SEPTIN10: variants seen among roughly 807,000 people sequenced by gnomAD.
SEPTIN10 encodes the protein septin-10.
Under a neutral mutation model 54.8 loss-of-function variants are expected in SEPTIN10, and 66 were observed. The ratio of observed to expected loss-of-function variants is 1.21; its 90% confidence interval spans 0.99 to 1.48. The LOEUF is 1.48. SEPTIN10 is among the 40% of genes most tolerant of loss of function. SEPTIN10 has a pLI of 0.00. For missense variants in SEPTIN10, 620 were observed against 545.6 expected, an observed-to-expected ratio of 1.14 and a Z score of -1.36; for synonymous variants, 161 against 181.0, an observed-to-expected ratio of 0.89 and a Z score of 0.89.
intron 1 of SEPTIN10, among the ~76,000 whole-genome samples, chr2:109,602,045 C>G (rs1696705785): frequency 6.6e-6 from 1 of 152,128 alleles, no homozygotes; most frequent in South Asian, 2.1e-4. Flanking sequence ...TTCAAGTTGT[C>G]TAACAGAGAA....
chr2:109,559,771 T>C (rs796553204), intron 8 of SEPTIN10, among the ~76,000 whole-genome samples: 4 of 152,220 alleles, frequency 2.6e-5, no homozygotes, highest in African/African-American at 9.6e-5. Context: ...CTATGAATTG[T>C]GAGCAGTGAA....
chr2:109,576,239 T>C (rs1689650875), intron 4 of SEPTIN10, among the ~76,000 whole-genome samples: 1 of 152,062 alleles, frequency 6.6e-6, no homozygotes, highest in South Asian at 2.1e-4. Flanking sequence ...CCAGCCTAGG[T>C]GACAACGCAA....
chr2:109,576,905 C>T (rs529581698), intron 4 of SEPTIN10, among the ~76,000 whole-genome samples: 1 of 152,058 alleles, frequency 6.6e-6, no homozygotes, highest in African/African-American at 2.4e-5. Flanking sequence ...GAAAAGAGGG[C>T]AGAAGCAATA....
At chr2:109,574,902 T>C (rs1558791363) in intron 4 of SEPTIN10, 135 bp from the exon 5 acceptor site, 1 of 518,716 alleles carries the variant, frequency 1.9e-6, no homozygotes, top group Non-Finnish European at 3.0e-6. Flanking sequence ...AGATTAACTT[T>C]AGTGATAAAA....
intron 1 of SEPTIN10, among the ~76,000 whole-genome samples, chr2:109,597,910 TA>T (rs1363369143): frequency 6.6e-6 from 1 of 152,176 alleles, no homozygotes; most frequent in Non-Finnish European, 1.5e-5. Context: ...CAATTACAGA[TA>T]AACTTCTGAT....
intron 4 of SEPTIN10, among the ~76,000 whole-genome samples, chr2:109,581,056 T>C (rs1287951614): frequency 2.0e-5 from 3 of 152,240 alleles, no homozygotes; most frequent in East Asian, 1.9e-4. Flanking sequence ...AAAATACCCA[T>C]GACTACGGCC....
At chr2:109,606,769 T>C (rs775000324) in intron 1 of SEPTIN10, among the ~76,000 whole-genome samples, 14 of 139,874 alleles carry the variant, frequency 1.0e-4, no homozygotes, top group Non-Finnish European at 1.8e-4. Flanking sequence ...AACCTCCGTC[T>C]CGCAGGTTCA....
intron 8 of SEPTIN10, among the ~76,000 whole-genome samples, chr2:109,557,241 G>C (rs1355462630): frequency 6.6e-6 from 1 of 152,056 alleles, no homozygotes; most frequent in Admixed American, 6.6e-5. Context: ...TTAAAACAAT[G>C]CTTCATTAAT....
At chr2:109,582,125 C>T (rs1335553155) in intron 4 of SEPTIN10, among the ~76,000 whole-genome samples, 1 of 151,274 alleles carries the variant, frequency 6.6e-6, no homozygotes, top group Non-Finnish European at 1.5e-5. Context: ...CACTCTCACG[C>T]AAAAACCTAG....
intron 1 of SEPTIN10, among the ~76,000 whole-genome samples, chr2:109,612,281 C>T (rs1431614016): frequency 6.6e-6 from 1 of 152,020 alleles, no homozygotes; most frequent in Non-Finnish European, 1.5e-5. Flanking sequence ...AAACGAATCA[C>T]TGATTGTCTG....
intron 1 of SEPTIN10, among the ~76,000 whole-genome samples, chr2:109,608,399 T>C (rs1273590515): frequency 1.3e-5 from 2 of 152,190 alleles, no homozygotes; most frequent in Admixed American, 6.5e-5. Flanking sequence ...GCTATCCCCA[T>C]AAATACAGAC....
chr2:109,593,301 T>C (rs1000901042), intron 1 of SEPTIN10, among the ~76,000 whole-genome samples, 182 bp from the exon 2 acceptor site: 2 of 152,170 alleles, frequency 1.3e-5, no homozygotes, highest in African/African-American at 4.8e-5. Flanking sequence ...GATAGGTATC[T>C]ACATAAGTAA....
intron 5 of SEPTIN10, among the ~76,000 whole-genome samples, chr2:109,573,915 T>C (rs1688985366): frequency 6.6e-6 from 1 of 152,188 alleles, no homozygotes; most frequent in Non-Finnish European, 1.5e-5. Flanking sequence ...AATGCAACAT[T>C]AGACCTTAAT....
chr2:109,569,895 T>C (rs1269575788), intron 5 of SEPTIN10, among the ~76,000 whole-genome samples: 1 of 152,122 alleles, frequency 6.6e-6, no homozygotes, highest in African/African-American at 2.4e-5. Context: ...TTCTGCTTTT[T>C]AGTAACAGAA....
intron 9 of SEPTIN10, among the ~76,000 whole-genome samples, chr2:109,551,687 T>C (rs1016509846): frequency 6.6e-6 from 1 of 152,222 alleles, no homozygotes; most frequent in African/African-American, 2.4e-5. Flanking sequence ...ATAAATAAAT[T>C]AGTAAACTAT....
intron 8 of SEPTIN10, among the ~76,000 whole-genome samples, chr2:109,562,058 CA>C (rs1685774864): frequency 1.3e-5 from 2 of 151,632 alleles, no homozygotes; most frequent in African/African-American, 2.4e-5. Context: ...TACAAAAACA[CA>C]AAAATTAGCT....
chr2:109,591,231 G>C (rs1246640121), intron 2 of SEPTIN10, among the ~76,000 whole-genome samples: 2 of 152,180 alleles, frequency 1.3e-5, no homozygotes, highest in African/African-American at 4.8e-5. Context: ...TGTTAAAGTT[G>C]TTATCTGATA....
At chr2:109,571,757 A>G (rs1214489762) in intron 5 of SEPTIN10, among the ~76,000 whole-genome samples, 1 of 152,200 alleles carries the variant, frequency 6.6e-6, no homozygotes, top group African/African-American at 2.4e-5. Context: ...GGAAGCATCT[A>G]GAACTAGTTG....
chr2:109,552,315 A>G (rs1683162775), intron 9 of SEPTIN10, among the ~76,000 whole-genome samples: 1 of 152,190 alleles, frequency 6.6e-6, no homozygotes, highest in Non-Finnish European at 1.5e-5. Context: ...ATGGAAAGTA[A>G]AGCTACTTCA....
Sources: allele counts gnomAD v4.1 joint callset (sites outside exome capture counted in the v4.1 genomes callset), GRCh38; gene constraint gnomAD v4.1.1; transcripts MANE v1.5; gene names NCBI Gene and HGNC (gene_info 2026-07-23, HGNC 2026-07-21).